GMDS: variants seen among roughly 807,000 people sequenced by gnomAD.
GMDS encodes GDP-mannose 4,6-dehydratase, also known as GDP-mannose 4,6 dehydratase.
A neutral mutation model predicts 49.9 loss-of-function variants in GMDS; 20 were observed. The ratio of observed to expected loss-of-function variants is 0.40; its 90% CI spans 0.28 to 0.58. The LOEUF (loss-of-function observed/expected upper bound fraction) is 0.58, where lower values mean the gene tolerates loss of function less well. Among genes scored for constraint, GMDS ranks in the 20% least tolerant of loss-of-function variants. The pLI, the probability that GMDS is intolerant of heterozygous loss-of-function variation, is 0.42. For missense variants in GMDS, 362 were observed against 481.4 expected (o/e 0.75, Z 2.32); for synonymous variants, 177 against 178.6 (o/e 0.99, Z 0.07).
rs1769072354 is a variant in GMDS at position 1,781,288 on chromosome 6, GA to G, written c.772-38703del. Among the ~76,000 whole-genome samples, 4 of 152,294 alleles carry G rather than the reference GA, an allele frequency of 2.6e-5. No homozygotes were observed. In the South Asian group the frequency reaches 8.3e-4, roughly 32 times the overall value. On this transcript the variant is annotated intron_variant, in intron 7 of 10. Coordinates refer to ENST00000380815, the MANE Select transcript of GMDS (RefSeq NM_001500.4). ...CTGCTGGTTCAGGTCCCGGGTGAAG[GA>G]CAGAGCTCAGAATGGGCTGTGTTCC...
chr6:2,099,870 A>G (rs1217236038), intron 4 of GMDS, among the ~76,000 whole-genome samples: 1 of 152,078 alleles, frequency 6.6e-6, no homozygotes, highest in Admixed American at 6.5e-5. Flanking sequence ...TGAACTTTTC[A>G]TCCTTAGGTT....
At chr6:1,952,395 G>A (rs1291849103) in intron 6 of GMDS, among the ~76,000 whole-genome samples, 1 of 152,142 alleles carries the variant, frequency 6.6e-6, no homozygotes, top group Non-Finnish European at 1.5e-5. Flanking sequence ...TACCTGTGGA[G>A]TATTAAATCA....
chr6:1,840,391 C>A (rs771890137), intron 7 of GMDS, among the ~76,000 whole-genome samples: 1 of 152,122 alleles, frequency 6.6e-6, no homozygotes, highest in Non-Finnish European at 1.5e-5. Context: ...TTAAATAAAC[C>A]CAGCAGTCAT....
intron 1 of GMDS, among the ~76,000 whole-genome samples, chr6:2,206,001 G>A (rs1441421290): frequency 6.6e-6 from 1 of 152,154 alleles, no homozygotes; most frequent in Non-Finnish European, 1.5e-5. Flanking sequence ...GCTCACACCT[G>A]TAATCTCAGC....
chr6:1,804,854 C>T (rs963010761), intron 7 of GMDS, among the ~76,000 whole-genome samples: 1 of 152,184 alleles, frequency 6.6e-6, no homozygotes, highest in Non-Finnish European at 1.5e-5. Context: ...AAAGTCATCT[C>T]TGCCAAACTT....
At chr6:1,803,515 T>C (rs1452153131) in intron 7 of GMDS, among the ~76,000 whole-genome samples, 3 of 152,090 alleles carry the variant, frequency 2.0e-5, no homozygotes, top group Non-Finnish European at 2.9e-5. Flanking sequence ...CAGCTACAAT[T>C]TATGGCAAAA....
At chr6:2,152,273 C>T in intron 1 of GMDS, among the ~76,000 whole-genome samples, 1 of 151,856 alleles carries the variant, frequency 6.6e-6, no homozygotes, top group East Asian at 1.9e-4. Flanking sequence ...CTTTATAGGC[C>T]AATTTAATAG....
chr6:2,214,471 T>G (rs1262117334), intron 1 of GMDS, among the ~76,000 whole-genome samples: 1 of 152,182 alleles, frequency 6.6e-6, no homozygotes, highest in African/African-American at 2.4e-5. Flanking sequence ...ACTATTTACA[T>G]AGCATTTTCA....
chr6:1,648,734 G>A (rs910049652), intron 9 of GMDS, among the ~76,000 whole-genome samples: 1 of 152,132 alleles, frequency 6.6e-6, no homozygotes, highest in Non-Finnish European at 1.5e-5. Context: ...AACTTTCAAC[G>A]ATTTAGAATG....
chr6:1,712,887 A>T (rs1766022605), intron 9 of GMDS, among the ~76,000 whole-genome samples: 1 of 152,238 alleles, frequency 6.6e-6, no homozygotes, highest in Non-Finnish European at 1.5e-5. Flanking sequence ...TATAAATATT[A>T]CTTAGTTGGA....
At chr6:1,806,511 C>G (rs894605356) in intron 7 of GMDS, among the ~76,000 whole-genome samples, 2 of 151,870 alleles carry the variant, frequency 1.3e-5, no homozygotes, top group Non-Finnish European at 2.9e-5. Context: ...TAATGAGACC[C>G]GAGTCTGTAG....
At chr6:1,830,110 T>C (rs966317454) in intron 7 of GMDS, among the ~76,000 whole-genome samples, 3 of 152,202 alleles carry the variant, frequency 2.0e-5, no homozygotes, top group African/African-American at 7.2e-5. Flanking sequence ...ATTAAATTAA[T>C]AATTTAGTTC....
At chr6:2,050,572 C>G (rs555825860) in intron 4 of GMDS, among the ~76,000 whole-genome samples, 1 of 151,972 alleles carries the variant, frequency 6.6e-6, no homozygotes, top group African/African-American at 2.4e-5. Flanking sequence ...AGAGACACAA[C>G]GAAAAAAGAG....
intron 9 of GMDS, among the ~76,000 whole-genome samples, chr6:1,647,785 G>A (rs1423833338): frequency 6.6e-6 from 1 of 152,150 alleles, no homozygotes; most frequent in Non-Finnish European, 1.5e-5. Flanking sequence ...GGCCGGAGTG[G>A]GGGAAGGACA....
intron 7 of GMDS, among the ~76,000 whole-genome samples, chr6:1,742,884 T>A (rs1032221485): frequency 1.3e-5 from 2 of 152,174 alleles, no homozygotes; most frequent in Admixed American, 1.3e-4. Flanking sequence ...GTGCAGGTCC[T>A]CAGACCACAA....
intron 1 of GMDS, among the ~76,000 whole-genome samples, chr6:2,198,726 C>A (rs1255083511): frequency 2.0e-5 from 3 of 152,286 alleles, no homozygotes; most frequent in South Asian, 4.1e-4. Flanking sequence ...AACTTCTATA[C>A]CACATCAGAC....
chr6:2,001,524 T>G (rs1205014807), intron 4 of GMDS, among the ~76,000 whole-genome samples: 1 of 152,218 alleles, frequency 6.6e-6, no homozygotes, highest in Non-Finnish European at 1.5e-5. Context: ...AGCTCTTACA[T>G]TAGGTTTTTG....
At chr6:2,033,570 T>C (rs534296358) in intron 4 of GMDS, among the ~76,000 whole-genome samples, 1 of 152,362 alleles carries the variant, frequency 6.6e-6, no homozygotes, top group South Asian at 2.1e-4. Flanking sequence ...GTTTGATTTA[T>C]AAGAATAAAT....
intron 4 of GMDS, among the ~76,000 whole-genome samples, chr6:1,999,970 T>TA (rs1554144011): frequency 2.7e-4 from 3 of 11,196 alleles, no homozygotes; most frequent in Non-Finnish European, 3.5e-4. Flanking sequence ...TATATATATA[T>TA]TATATATATA....
Sources: gnomAD v4.1 joint callset for allele counts (sites outside exome capture counted in the v4.1 genomes callset) on GRCh38, gnomAD v4.1.1 for gene constraint, MANE v1.5 for transcripts, NCBI Gene and HGNC (gene_info 2026-07-23, HGNC 2026-07-21) for gene names.